The following GABRR2 variants were observed in gnomAD, a reference collection of about 807,000 sequenced individuals.
GABRR2 encodes the protein gamma-aminobutyric acid receptor subunit rho-2.
A neutral mutation model predicts 47.0 loss-of-function variants in GABRR2; 36 were observed. That is an observed-to-expected ratio of 0.77 (90% CI 0.59 to 1.01). The LOEUF is 1.01. Among genes scored for constraint, GABRR2 ranks in the 50% least tolerant of loss-of-function variants. The pLI is 0.00. For synonymous variants in GABRR2, 204 were observed against 227.5 expected (o/e 0.90, Z 0.93); for missense variants, 587 against 594.6 (o/e 0.99, Z 0.13).
intron 2 of GABRR2, among the ~76,000 whole-genome samples, chr6:89,284,046 T>C (rs1774295042): frequency 6.6e-6 from 1 of 151,924 alleles, no homozygotes. Context: ...ACTCCAAAGA[T>C]GGTTGGGGTT....
intron 1 of GABRR2, among the ~76,000 whole-genome samples, chr6:89,306,647 G>T (rs1767563839): frequency 6.6e-6 from 1 of 152,170 alleles, no homozygotes; most frequent in Non-Finnish European, 1.5e-5. Flanking sequence ...TAAACCAGGT[G>T]ACGGCAAAGG....
chr6:89,267,247 C>G (rs571293196), intron 6 of GABRR2, among the ~76,000 whole-genome samples: 10 of 152,094 alleles, frequency 6.6e-5, no homozygotes, highest in African/African-American at 2.2e-4. Context: ...AAGCCAGAAC[C>G]TATTCTAGGC....
chr6:89,281,220 C>T (rs1774250689), intron 2 of GABRR2, among the ~76,000 whole-genome samples: 1 of 152,218 alleles, frequency 6.6e-6, no homozygotes, highest in Admixed American at 6.5e-5. Flanking sequence ...GGCCGCAGTT[C>T]CTTCCTCCAG....
At chr6:89,281,152 A>G (rs1460107448) in intron 2 of GABRR2, among the ~76,000 whole-genome samples, 1 of 152,200 alleles carries the variant, frequency 6.6e-6, no homozygotes, top group African/African-American at 2.4e-5. Context: ...ACCTGTCCTG[A>G]CTGTGTCCAC....
intron 8 of GABRR2, 95 bp from the exon 9 acceptor site, chr6:89,258,076 A>G: frequency 1.7e-6 from 2 of 1,157,754 alleles, no homozygotes; most frequent in African/African-American, 1.6e-5. Flanking sequence ...GCTACTCAGA[A>G]CCACAGAAAG....
At chr6:89,279,107 C>T (rs763739179) in intron 2 of GABRR2, among the ~76,000 whole-genome samples, 6 of 152,188 alleles carry the variant, frequency 3.9e-5, no homozygotes, top group South Asian at 2.1e-4. Flanking sequence ...GGCTGCAAGA[C>T]GAAGCCAGCT....
chr6:89,298,823 G>A (rs1296510829), intron 2 of GABRR2, among the ~76,000 whole-genome samples: 1 of 152,172 alleles, frequency 6.6e-6, no homozygotes, highest in African/African-American at 2.4e-5. Context: ...GCCTTTGGAA[G>A]GTGATGAGAT....
intron 1 of GABRR2, among the ~76,000 whole-genome samples, chr6:89,308,635 C>T (rs1767616248): frequency 6.6e-6 from 1 of 152,196 alleles, no homozygotes; most frequent in African/African-American, 2.4e-5. Flanking sequence ...CCCAGCTTCT[C>T]ACTGCCCCAG....
intron 8 of GABRR2, among the ~76,000 whole-genome samples, chr6:89,263,072 G>A (rs1173260362): frequency 5.3e-5 from 8 of 152,146 alleles, no homozygotes; most frequent in African/African-American, 1.9e-4. Flanking sequence ...AACAACACAG[G>A]TTTGAACTGT....
At chr6:89,298,550 G>A (rs1464510274) in intron 2 of GABRR2, among the ~76,000 whole-genome samples, 17 of 152,254 alleles carry the variant, frequency 1.1e-4, no homozygotes, top group African/African-American at 4.1e-4. Flanking sequence ...CAAGGGCAGA[G>A]AAAAAGGAAA....
chr6:89,294,869 C>CT (rs1774529788), intron 2 of GABRR2, among the ~76,000 whole-genome samples: 1 of 148,578 alleles, frequency 6.7e-6, no homozygotes, highest in South Asian at 2.1e-4. Context: ...CAATTCCCAC[C>CT]TATGAGTGAG....
Position 89,299,708 on chromosome 6 carries a change from C to T in GABRR2, c.220+51G>A, listed in dbSNP as rs201783842. ...GAGGGAGCCAGAGAGGGCAGCACAT[C>T]ACATCCCTGGGGCCAACCTCCCACC... is the stretch of plus-strand genomic sequence containing the variant. On this transcript the variant is annotated intron_variant, in intron 2 of 8. Transcript: ENST00000402938. 2.6e-4 allele frequency: 327 copies of T among 1,265,034 alleles called. 2 individuals carry two copies. In the Middle Eastern group the frequency reaches 8.3e-3, roughly 32 times the overall value. The allele number at this position is 1,265,034 out of a possible 1,614,324, so 78.4% of individuals were successfully genotyped here.
At chr6:89,259,145 G>C (rs1484504216) in intron 8 of GABRR2, among the ~76,000 whole-genome samples, 1 of 152,010 alleles carries the variant, frequency 6.6e-6, no homozygotes, top group Non-Finnish European at 1.5e-5. Flanking sequence ...CTGGATGCTT[G>C]GTGTTGACTG....
intron 7 of GABRR2, among the ~76,000 whole-genome samples, chr6:89,264,987 T>C (rs904049234): frequency 1.3e-5 from 2 of 152,102 alleles, no homozygotes; most frequent in South Asian, 4.1e-4. Context: ...GAACGTGCCT[T>C]CAGAGGTGTG....
chr6:89,267,864 A>T (rs1280168540), intron 5 of GABRR2, 45 bp from the exon 6 acceptor site: 13 of 1,603,986 alleles, frequency 8.1e-6, no homozygotes, highest in Non-Finnish European at 1.0e-5. Flanking sequence ...TTCGCTTCTG[A>T]TGCAGGGTGA....
rs112839093 is a variant in GABRR2 at position 89,308,508 on chromosome 6, C to G, written c.113+6545G>C. On this transcript the variant is annotated intron_variant, in intron 1 of 8. Coordinates refer to ENST00000402938, the MANE Select transcript of GABRR2 (RefSeq NM_002043.5). ...AAAATTAAATAAATAAATAACATTT[C>G]CATAATCACCAAAAGTTTTATTGTT... Among the ~76,000 whole-genome samples the G allele has an allele frequency of 1.0e-2, 1,520 of 152,278 alleles. 22 individuals carry two copies. Among genetic ancestry groups the G allele is most frequent in the African/African-American group, 0.035 (1,453 of 41,550 alleles).
intron 2 of GABRR2, among the ~76,000 whole-genome samples, chr6:89,295,900 C>T (rs1406268410): frequency 1.3e-5 from 2 of 152,182 alleles, no homozygotes; most frequent in South Asian, 4.1e-4. Flanking sequence ...TTCCCCATTT[C>T]TTGTTTTTGT....
intron 2 of GABRR2, among the ~76,000 whole-genome samples, chr6:89,290,952 C>CT (rs1554197922): frequency 6.6e-6 from 1 of 152,172 alleles, no homozygotes; most frequent in Non-Finnish European, 1.5e-5. Context: ...GGCTTTGCCA[C>CT]AGCTGCTACT....
At chr6:89,302,565 A>T (rs1468638223) in intron 1 of GABRR2, 1 of 985,798 alleles carries the variant, frequency 1.0e-6, no homozygotes, top group Admixed American at 1.9e-5. Flanking sequence ...CCCTGCCTGC[A>T]CTTCTTCATG....
Sources: allele counts gnomAD v4.1 joint callset (sites outside exome capture counted in the v4.1 genomes callset), GRCh38; gene constraint gnomAD v4.1.1; transcripts MANE v1.5; gene names NCBI Gene and HGNC (gene_info 2026-07-23, HGNC 2026-07-21).